The following ZNF532 variants were observed in gnomAD, a reference collection of about 807,000 sequenced individuals.
ZNF532 encodes zinc finger protein 532.
In ZNF532, 22 loss-of-function variants were observed where a neutral mutation model predicts 89.3. The ratio of observed to expected loss-of-function variants is 0.25; its 90% CI spans 0.18 to 0.35. ZNF532 has a LOEUF of 0.35. ZNF532 is among the 10% of genes least tolerant of loss of function. The pLI, the probability that ZNF532 is intolerant of heterozygous loss-of-function variation, is 1.00. For missense variants in ZNF532, 1,132 were observed against 1,643.4 expected, an observed-to-expected ratio of 0.69 and a Z score of 5.38; for synonymous variants, 606 against 649.6, an observed-to-expected ratio of 0.93 and a Z score of 1.02.
intron 6 of ZNF532, among the ~76,000 whole-genome samples, chr18:58,950,928 A>C (rs2088050270): frequency 6.6e-6 from 1 of 150,908 alleles, no homozygotes; most frequent in Non-Finnish European, 1.5e-5. Context: ...GTGAGCCACC[A>C]TTCCCAGCTG....
chr18:58,890,099 T>A (rs1275444746), intron 2 of ZNF532, among the ~76,000 whole-genome samples: 2 of 149,212 alleles, frequency 1.3e-5, no homozygotes, highest in Non-Finnish European at 3.0e-5. Context: ...AAAAAAAAAT[T>A]AGCTGGGCAT....
intron 5 of ZNF532, among the ~76,000 whole-genome samples, chr18:58,943,885 T>C (rs766608460): frequency 6.6e-6 from 1 of 152,216 alleles, no homozygotes; most frequent in Non-Finnish European, 1.5e-5. Flanking sequence ...AGTGGAGAAA[T>C]GAGAACTTCA....
chr18:58,863,638 G>GCAGCAGCAGCCA (rs961213635), upstream of ZNF532: 1 of 155,688 alleles, frequency 6.4e-6, no homozygotes, highest in South Asian at 1.8e-4. Context: ...TCCGACGACA[G>GCAGCAGCAGCCA]CAGCAGCAGC....
In ZNF532 at chr18:58,984,115, CCTG is replaced by C; in HGVS notation, c.3560_3562del (p.Leu1187del). 6.2e-7 allele frequency: 1 copy of C among 1,611,906 alleles called. No homozygotes were observed. Among genetic ancestry groups the C allele is most frequent in the Non-Finnish European group, 8.5e-7 (1 of 1,179,858 alleles). ...CCGTGTGTGGCTTCACCACCGAAAA[CCTG>C]CTGCAATTCCACGAACACATCCCTC... On this transcript the variant is annotated inframe_deletion, in exon 10 of 10. Coordinates refer to ENST00000591808, the MANE Select transcript of ZNF532 (RefSeq NM_001375912.1).
intron 2 of ZNF532, among the ~76,000 whole-genome samples, chr18:58,879,014 C>T (rs528628441): frequency 6.6e-6 from 1 of 152,352 alleles, no homozygotes; most frequent in South Asian, 2.1e-4. Flanking sequence ...CTCTGTCCTA[C>T]TTGCAGTTCT....
At chr18:58,957,406 C>CATAT (rs58182199) in intron 7 of ZNF532, among the ~76,000 whole-genome samples, 8,636 of 138,616 alleles carry the variant, frequency 0.062, 313 homozygotes, top group Admixed American at 0.093. Flanking sequence ...ACTTAAAATA[C>CATAT]ATATATATAT....
intron 2 of ZNF532, among the ~76,000 whole-genome samples, chr18:58,878,569 G>A (rs973800343): frequency 2.0e-5 from 3 of 152,242 alleles, no homozygotes; most frequent in African/African-American, 7.2e-5. Context: ...GCCTGAAGTG[G>A]AGCCAACTTC....
intron 2 of ZNF532, 126 bp from the exon 3 acceptor site, chr18:58,918,145 C>T (rs989302438): frequency 2.9e-5 from 24 of 831,824 alleles, no homozygotes; most frequent in African/African-American, 2.4e-4. Context: ...TCGTAGTTAC[C>T]GTAAATGCAG....
intron 2 of ZNF532, among the ~76,000 whole-genome samples, chr18:58,881,442 TC>T (rs1297283785): frequency 2.0e-5 from 3 of 152,168 alleles, no homozygotes; most frequent in Non-Finnish European, 4.4e-5. Context: ...CTGTTTTACT[TC>T]TTAAAAGACC....
In ZNF532 at chr18:58,920,241, A is replaced by G. The variant is rs1465524154; in HGVS notation, c.1954A>G (p.Asn652Asp). The change falls in exon 3 of 10, where the codon AAC becomes GAC. Residue 652 changes from asparagine (N) to aspartate (D), a missense_variant. By Grantham distance (23) the Asn-to-Asp change is conservative (BLOSUM62 1). This residue lies in a region of ZNF532 where 70 missense variants were observed against 152.1 expected (regional missense o/e 0.46). Coordinates refer to ENST00000591808, the MANE Select transcript of ZNF532 (RefSeq NM_001375912.1). ...AGTAACGTGCAACCATTGTACAAAG[A>G]ACCTCGTTTTTTACAACAAATGCAG... ...IEVTCNHCTK[N>D]LVFYNKCSLL... 6.2e-7 allele frequency: 1 copy of G among 1,613,848 alleles called. No individual in the cohort carries two copies. Among genetic ancestry groups the G allele is most frequent in the Non-Finnish European group, 8.5e-7 (1 of 1,179,862 alleles).
At chr18:58,962,308 A>G (rs979500176) in intron 7 of ZNF532, among the ~76,000 whole-genome samples, 6 of 152,152 alleles carry the variant, frequency 3.9e-5, no homozygotes, top group Non-Finnish European at 5.9e-5. Context: ...GTGGTAATCT[A>G]TGTAGTAGCC....
Position 58,986,245 on chromosome 18 carries a change from G to A in ZNF532, c.*1779G>A, listed in dbSNP as rs1172668640. The A allele has an allele frequency of 6.6e-6, 1 of 152,526 alleles. No homozygotes were observed. The highest frequency in any genetic ancestry group is 1.9e-4 in the East Asian group (1 of 5,192). The allele number at this position is 152,526 out of a possible 1,614,324, so 9.4% of individuals were successfully genotyped here. A position where few individuals can be genotyped will look rare whatever the true frequency, so the allele number is the denominator to read the frequency against. ...AGCACTTTCATATGTTTCTGCATTT[G>A]AACCTTGCAATAAGCCTGTGTGGTA... On this transcript the variant is annotated 3_prime_UTR_variant, in exon 10 of 10. Transcript: ENST00000591808.
intron 2 of ZNF532, among the ~76,000 whole-genome samples, chr18:58,890,321 ACC>A (rs2058798417): frequency 6.6e-6 from 1 of 151,820 alleles, no homozygotes; most frequent in Non-Finnish European, 1.5e-5. Context: ...AAAATTAAGT[ACC>A]CTGGTTAGTA....
intron 2 of ZNF532, among the ~76,000 whole-genome samples, chr18:58,900,685 A>G (rs2145637433): frequency 6.6e-6 from 1 of 152,234 alleles, no homozygotes; most frequent in Admixed American, 6.5e-5. Context: ...CTTTGACTCC[A>G]TTCTCACAGC....
At chr18:58,885,316 A>T (rs944055011) in intron 2 of ZNF532, among the ~76,000 whole-genome samples, 4 of 151,974 alleles carry the variant, frequency 2.6e-5, no homozygotes, top group Non-Finnish European at 5.9e-5. Context: ...TGTTTTTTTT[A>T]GTTAAAAGAA....
chr18:58,883,890 T>C (rs1379887528), intron 2 of ZNF532, among the ~76,000 whole-genome samples: 2 of 152,150 alleles, frequency 1.3e-5, no homozygotes, highest in Non-Finnish European at 2.9e-5. Flanking sequence ...AGAACAATAC[T>C]TCAAAACTTC....
intron 6 of ZNF532, among the ~76,000 whole-genome samples, chr18:58,951,964 T>G (rs2064252189): frequency 6.6e-6 from 1 of 152,132 alleles, no homozygotes; most frequent in African/African-American, 2.4e-5. Context: ...CAGCCCCCTT[T>G]TATGGGCCAC....
chr18:58,947,202 C>T (rs568378399), intron 5 of ZNF532, among the ~76,000 whole-genome samples: 2 of 152,294 alleles, frequency 1.3e-5, no homozygotes, highest in South Asian at 4.1e-4. Context: ...AAATGGTGAC[C>T]TGCTGCCATC....
intron 2 of ZNF532, among the ~76,000 whole-genome samples, chr18:58,893,151 G>A (rs2059016733): frequency 6.6e-6 from 1 of 151,746 alleles, no homozygotes. Flanking sequence ...GCTAATTTTT[G>A]CATTTTTAGC....
Sources: allele counts gnomAD v4.1 joint callset (sites outside exome capture counted in the v4.1 genomes callset), GRCh38; gene constraint gnomAD v4.1.1; regional missense constraint gnomAD v4.1.1; transcripts MANE v1.5; gene names NCBI Gene and HGNC (gene_info 2026-07-23, HGNC 2026-07-21).